Variants in U2SURP observed in about 807,000 individuals in gnomAD.
U2SURP encodes U2 snRNP associated SURP domain containing, also known as U2 snRNP-associated SURP motif-containing protein.
A neutral mutation model predicts 144.9 loss-of-function variants in U2SURP; 9 were observed. That is an observed-to-expected ratio of 0.06 (90% CI 0.04 to 0.11). The LOEUF (loss-of-function observed/expected upper bound fraction) is 0.11. Among genes scored for constraint, U2SURP ranks in the 10% least tolerant of loss-of-function variants. The pLI is 1.00. For synonymous variants in U2SURP, 408 were observed against 396.8 expected (o/e 1.03, Z -0.33); for missense variants, 724 against 1,226.7 (o/e 0.59, Z 6.12).
At chr3:143,041,485 G>GATGAAGTTAGTAAA (rs1934101316) in intron 23 of U2SURP, among the ~76,000 whole-genome samples, 1 of 151,924 alleles carries the variant, frequency 6.6e-6, no homozygotes, top group African/African-American at 2.4e-5. Context: ...TGGTTCTGAA[G>GATGAAGTTAGTAAA]ATGAAGTTAG....
In U2SURP at chr3:143,056,905, A is replaced by G. The variant is rs1039780211; in HGVS notation, c.*455A>G. ...CCCTTAAAGTCCTACTGAGTTTCACACTACTGTTGTGCTTCTTATACCTGA... is the reference window on the plus strand; with the variant it reads ...CCCTTAAAGTCCTACTGAGTTTCACGCTACTGTTGTGCTTCTTATACCTGA... On this transcript the variant is annotated 3_prime_UTR_variant, in exon 28 of 28. Transcript: ENST00000473835. 6.2e-6 allele frequency: 1 copy of G among 162,164 alleles called. No individual in the cohort carries two copies. Among genetic ancestry groups the G allele is most frequent in the African/African-American group, 2.4e-5 (1 of 41,534 alleles). The allele number at this position is 162,164 out of a possible 1,614,324, so 10.0% of individuals were successfully genotyped here. A position where few individuals can be genotyped will look rare whatever the true frequency, so the allele number is the denominator to read the frequency against.
intron 24 of U2SURP, among the ~76,000 whole-genome samples, chr3:143,049,022 A>G (rs139221996): frequency 0.019 from 2,811 of 151,930 alleles, 32 homozygotes; most frequent in South Asian, 0.037. Context: ...TGGGAGGCCA[A>G]GCTGGGTGTA....
chr3:143,051,460 G>A (rs1424499298), intron 25 of U2SURP, among the ~76,000 whole-genome samples: 3 of 152,032 alleles, frequency 2.0e-5, no homozygotes, highest in African/African-American at 7.2e-5. Context: ...TTTCCAGGGA[G>A]GGACAGCAAG....
At chr3:143,040,386 A>G (rs573529188) in intron 23 of U2SURP, among the ~76,000 whole-genome samples, 1 of 152,062 alleles carries the variant, frequency 6.6e-6, no homozygotes, top group East Asian at 1.9e-4. Flanking sequence ...ATAACAAAGT[A>G]CAAAGCAAGG....
chr3:143,008,151 CAA>C (rs987140570), intron 1 of U2SURP, among the ~76,000 whole-genome samples: 8 of 152,176 alleles, frequency 5.3e-5, no homozygotes, highest in African/African-American at 1.9e-4. Flanking sequence ...TGAAAGCTGA[CAA>C]AATTGTTACT....
chr3:143,019,324 T>C (rs1936524509), intron 6 of U2SURP, among the ~76,000 whole-genome samples: 1 of 152,210 alleles, frequency 6.6e-6, no homozygotes, highest in South Asian at 2.1e-4. Flanking sequence ...GCTTTTGGTG[T>C]CATATCTAAG....
At chr3:143,013,275 A>G (rs982652165) in intron 3 of U2SURP, among the ~76,000 whole-genome samples, 1 of 152,076 alleles carries the variant, frequency 6.6e-6, no homozygotes. Context: ...TTGAAACCAA[A>G]GAGACTGAAT....
intron 13 of U2SURP, among the ~76,000 whole-genome samples, chr3:143,025,126 T>G (rs1200675259): frequency 1.3e-5 from 2 of 152,114 alleles, no homozygotes; most frequent in African/African-American, 4.8e-5. Flanking sequence ...TAAATAATCA[T>G]GAAACATTTT....
Position 143,034,220 on chromosome 3 carries a change from G to T in U2SURP, c.1854-668G>T, listed in dbSNP as rs376348563. Among the ~76,000 whole-genome samples the T allele has an allele frequency of 6.6e-5, 10 of 152,174 alleles. No individual in the cohort carries two copies. In the East Asian group the frequency reaches 1.7e-3, roughly 26 times the overall value. On this transcript the variant is annotated intron_variant, in intron 18 of 27. Coordinates refer to ENST00000473835, the MANE Select transcript of U2SURP (RefSeq NM_001080415.2). ...GAAGTTCGAGACCACCCTGGCCAAC[G>T]TGGTGAAACCCCATCTCTAGTAAAA...
intron 20 of U2SURP, 137 bp from the exon 21 acceptor site, chr3:143,037,042 T>C (rs1007781516): frequency 2.5e-6 from 2 of 800,194 alleles, no homozygotes; most frequent in African/African-American, 3.5e-5. Context: ...AACTGGATGA[T>C]AGAATATGTT....
chr3:143,039,581 C>A (rs1933990062), intron 23 of U2SURP, among the ~76,000 whole-genome samples: 1 of 145,200 alleles, frequency 6.9e-6, no homozygotes. Context: ...TTTTTAAAAT[C>A]ATTGCAAAGG....
At chr3:143,037,101 TG>T in intron 20 of U2SURP, 77 bp from the exon 21 acceptor site, 1 of 1,421,470 alleles carries the variant, frequency 7.0e-7, no homozygotes. Flanking sequence ...TGGCTTGTAC[TG>T]GATTACAAAT....
chr3:143,035,215 T>C (rs1183968180), intron 19 of U2SURP, among the ~76,000 whole-genome samples: 3 of 152,244 alleles, frequency 2.0e-5, no homozygotes, highest in African/African-American at 7.2e-5. Context: ...TAAATGTTAG[T>C]CTTTTTTCAT....
In U2SURP at chr3:143,020,580, T is replaced by A. The variant is rs751872932; in HGVS notation, c.639-19T>A. 9.4e-6 allele frequency: 15 copies of A among 1,588,174 alleles called. No homozygotes were observed. The highest frequency in any genetic ancestry group is 1.3e-5 in the Non-Finnish European group (15 of 1,162,178). On this transcript the variant is annotated intron_variant, in intron 7 of 27. Coordinates refer to ENST00000473835, the MANE Select transcript of U2SURP (RefSeq NM_001080415.2). ...ACAAATTTTGGCTCATTATAAGTGATTGTAAATATTTTCAACAGAATTCAA... is the reference window on the plus strand; with the variant it reads ...ACAAATTTTGGCTCATTATAAGTGAATGTAAATATTTTCAACAGAATTCAA...
At chr3:143,016,745 A>T in intron 5 of U2SURP, 97 bp from the exon 6 acceptor site, 1 of 1,095,018 alleles carries the variant, frequency 9.1e-7, no homozygotes. Flanking sequence ...ACATCTTAAT[A>T]CTAAAAGCAT....
intron 16 of U2SURP, among the ~76,000 whole-genome samples, chr3:143,031,173 T>C (rs1933459990): frequency 6.6e-6 from 1 of 152,204 alleles, no homozygotes; most frequent in Non-Finnish European, 1.5e-5. Flanking sequence ...ATGGAATGTA[T>C]TTCTGATGAA....
intron 14 of U2SURP, 129 bp from the exon 15 acceptor site, chr3:143,028,211 T>A (rs1933269478): frequency 9.0e-7 from 1 of 1,111,190 alleles, no homozygotes; most frequent in Admixed American, 2.5e-5. Context: ...TGAGATTCTC[T>A]TCAGGGATCT....
At chr3:143,009,977 T>G (rs571944362) in intron 1 of U2SURP, among the ~76,000 whole-genome samples, 57 of 152,312 alleles carry the variant, frequency 3.7e-4, no homozygotes, top group Non-Finnish European at 3.5e-4. Flanking sequence ...ACAAGTAAAA[T>G]TTCACTACCG....
At position 143,035,995 on chromosome 3, in the gene U2SURP, C is replaced by G. The variant is rs1933790814; in HGVS notation, c.1955C>G (p.Thr652Ser). ...QSENFKQRVMTCFRAWEDWAI... is the reference protein window; with the variant it reads ...QSENFKQRVMSCFRAWEDWAI... ...CTGTTTCTTTAGCAACGGGTAATGA[C>G]TTGCTTCAGAGCATGGGAAGATTGG... The change falls in exon 20 of 28, where the codon ACT becomes AGT. Residue 652 changes from threonine to serine, a missense_variant. This residue lies in a region of U2SURP where 116 missense variants were observed against 167.9 expected (regional missense o/e 0.69). Coordinates refer to ENST00000473835, the MANE Select transcript of U2SURP (RefSeq NM_001080415.2). The G allele has an allele frequency of 1.9e-6, 3 of 1,602,266 alleles. No homozygotes were observed. In the South Asian group the frequency reaches 3.4e-5, roughly 18 times the overall value.
Sources: gnomAD v4.1 joint callset for allele counts (sites outside exome capture counted in the v4.1 genomes callset) on GRCh38, gnomAD v4.1.1 for gene constraint, gnomAD v4.1.1 regional missense constraint, MANE v1.5 for transcripts, NCBI Gene and HGNC (gene_info 2026-07-23, HGNC 2026-07-21) for gene names.